The following GK variants were observed in gnomAD, a reference collection of about 807,000 sequenced individuals.
GK encodes the protein ATP:glycerol 3-phosphotransferase.
A neutral mutation model predicts 56.4 loss-of-function variants in GK; 9 were observed. That is an observed-to-expected ratio of 0.16 (90% CI 0.10 to 0.28). GK has a LOEUF of 0.28. GK is among the 10% of genes least tolerant of loss of function. The probability of loss-of-function intolerance (pLI) is 1.00; values close to 1 mark genes in which losing one functional copy is unlikely to be tolerated. For synonymous variants in GK, 104 were observed against 144.1 expected, an observed-to-expected ratio of 0.72 and a Z score of 1.99; for missense variants, 161 against 431.4, an observed-to-expected ratio of 0.37 and a Z score of 5.55.
chrX:30,691,879 C>G (rs1334553755), intron 5 of GK, among the ~76,000 whole-genome samples: 1 of 109,394 alleles, frequency 9.1e-6, no homozygotes, highest in Non-Finnish European at 1.9e-5. Context: ...AAAAGACACT[C>G]TAGCCCTTTA....
intron 4 of GK, among the ~76,000 whole-genome samples, chrX:30,688,258 A>G (rs1569155890): frequency 1.8e-5 from 2 of 111,686 alleles, no homozygotes; most frequent in Non-Finnish European, 3.8e-5. Context: ...AGTGAGGAAT[A>G]AAGTGCCTAA....
intron 1 of GK, among the ~76,000 whole-genome samples, chrX:30,654,494 A>G (rs1323306857): frequency 8.9e-6 from 1 of 111,841 alleles, no homozygotes; most frequent in Non-Finnish European, 1.9e-5. Flanking sequence ...TGTAATCCCA[A>G]CAGTTTGGGA....
intron 4 of GK, among the ~76,000 whole-genome samples, chrX:30,681,368 G>A (rs1194609618): frequency 2.7e-5 from 3 of 111,907 alleles, no homozygotes; most frequent in Non-Finnish European, 5.6e-5. Context: ...TTTGTGAGCT[G>A]GAAGATAAAT....
chrX:30,696,754 T>A, intron 8 of GK, 71 bp downstream of exon 8: 1 of 808,835 alleles, frequency 1.2e-6, no homozygotes, highest in Non-Finnish European at 1.8e-6. Context: ...ACCTAATAAT[T>A]AAAGTTTTTT....
At chrX:30,695,229 A>G (rs1249882988) in intron 6 of GK, 4 of 748,897 alleles carry the variant, frequency 5.3e-6, no homozygotes, top group Non-Finnish European at 6.8e-6. Flanking sequence ...GTCTTTCAGA[A>G]CCCATATCAG....
chrX:30,678,449 T>C (rs1244029163), intron 4 of GK, among the ~76,000 whole-genome samples: 1 of 111,816 alleles, frequency 8.9e-6, no homozygotes, highest in Non-Finnish European at 1.9e-5. Context: ...CAATTTTTTA[T>C]CAATTAAATA....
chrX:30,660,198 GTAATAATAA>G (rs62990461), intron 1 of GK, among the ~76,000 whole-genome samples: 1 of 108,501 alleles, frequency 9.2e-6, no homozygotes, highest in Non-Finnish European at 1.9e-5. Context: ...ATAGGTAATA[GTAATAATAA>G]TAATAATAAT....
chrX:30,694,284 G>A (rs1935132851), intron 5 of GK, 116 bp from the exon 6 acceptor site: 2 of 631,079 alleles, frequency 3.2e-6, no homozygotes, highest in South Asian at 4.5e-5. Flanking sequence ...ATAATACTAT[G>A]GGATTGCCTT....
intron 3 of GK, chrX:30,672,159 C>CAAAAAAAAAAA (rs66675920): frequency 9.4e-5 from 2 of 21,173 alleles, no homozygotes; most frequent in South Asian, 6.8e-3. Flanking sequence ...AACTCCATCT[C>CAAAAAAAAAAA]AAAAAAAAAA....
chrX:30,693,579 C>T (rs1178970006), intron 5 of GK, among the ~76,000 whole-genome samples: 4 of 110,877 alleles, frequency 3.6e-5, no homozygotes, highest in Admixed American at 1.9e-4. Context: ...GACAGAGTCT[C>T]GCTCTGTCAT....
At chrX:30,718,638 G>A (rs2035431) in intron 14 of GK, 22 bp downstream of exon 14, 1 of 974,738 alleles carries the variant, frequency 1.0e-6, no homozygotes, top group Non-Finnish European at 1.5e-6. Context: ...CTAACAAAAG[G>A]TTAGAAAATC....
chrX:30,655,783 G>A (rs2147117272), intron 1 of GK, among the ~76,000 whole-genome samples: 1 of 111,614 alleles, frequency 9.0e-6, no homozygotes, highest in African/African-American at 3.3e-5. Context: ...AGGTTTTGTT[G>A]CCTAAAAGAC....
At chrX:30,684,642 G>A (rs1378862917) in intron 4 of GK, among the ~76,000 whole-genome samples, 1 of 86,738 alleles carries the variant, frequency 1.2e-5, no homozygotes, top group Non-Finnish European at 2.2e-5. Flanking sequence ...CTCCAGCCTG[G>A]GCAACAAGAG....
At chrX:30,677,866 T>C (rs1934020948) in intron 4 of GK, 2 of 445,218 alleles carry the variant, frequency 4.5e-6, no homozygotes, top group Non-Finnish European at 7.9e-6. Context: ...CATGCAGTCA[T>C]GGTACCTATA....
chrX:30,667,919 C>T, intron 2 of GK, 93 bp from the exon 3 acceptor site: 1 of 549,148 alleles, frequency 1.8e-6, no homozygotes, highest in Non-Finnish European at 3.3e-6. Flanking sequence ...TTAATGTATG[C>T]ACCAGCCACA....
In GK at chrX:30,730,792, A is replaced by G. The variant is rs1937315484; in HGVS notation, c.*2050A>G. On this transcript the variant is annotated 3_prime_UTR_variant, in exon 21 of 21. Transcript: ENST00000427190. ...GACATGGAGAAACCCTATCTCTACTAAAAAAAAAAAAAGATGTTTCAGGAC... is the reference window on the plus strand; with the variant it reads ...GACATGGAGAAACCCTATCTCTACTGAAAAAAAAAAAAGATGTTTCAGGAC... 2.0e-5 allele frequency: 2 copies of G among 102,342 alleles called. No homozygotes were observed. The highest frequency in any genetic ancestry group is 7.0e-5 in the African/African-American group (2 of 28,573). The allele number at this position is 102,342 out of a possible 1,213,427, so 8.4% of individuals were successfully genotyped here. A position where few individuals can be genotyped will look rare whatever the true frequency, so the allele number is the denominator to read the frequency against.
At chrX:30,669,252 G>A (rs957025885) in intron 3 of GK, among the ~76,000 whole-genome samples, 1 of 103,581 alleles carries the variant, frequency 9.7e-6, no homozygotes, top group Non-Finnish European at 2.0e-5. Flanking sequence ...GCATGATCTC[G>A]GCTCACTGCA....
At chrX:30,677,565 G>A (rs761240296) in intron 4 of GK, 113 bp downstream of exon 4, 46 of 551,053 alleles carry the variant, frequency 8.3e-5, no homozygotes, top group African/African-American at 7.2e-4. Flanking sequence ...GGTGGCTCAC[G>A]CCTGTAATCC....
At chrX:30,695,034 T>C in intron 6 of GK, 1 of 354,934 alleles carries the variant, frequency 2.8e-6, no homozygotes, top group East Asian at 9.8e-5. Flanking sequence ...ATCATCAACC[T>C]ATGGCCAATC....
Sources: gnomAD v4.1 joint callset for allele counts (sites outside exome capture counted in the v4.1 genomes callset) on GRCh38, gnomAD v4.1.1 for gene constraint, MANE v1.5 for transcripts, NCBI Gene and HGNC (gene_info 2026-07-23, HGNC 2026-07-21) for gene names.